Variants in ZC3H12B observed in about 807,000 individuals in gnomAD.
ZC3H12B encodes the protein probable ribonuclease ZC3H12B.
A neutral mutation model predicts 43.9 loss-of-function variants in ZC3H12B; 7 were observed. That is an observed-to-expected ratio of 0.16 (90% CI 0.09 to 0.30). The LOEUF is 0.30. ZC3H12B is among the 10% of genes least tolerant of loss of function. The pLI is 1.00. For synonymous variants in ZC3H12B, 222 were observed against 241.7 expected (o/e 0.92, Z 0.76); for missense variants, 475 against 670.2 (o/e 0.71, Z 3.22).
At chrX:65,231,220 G>C in the ZC3H12B span, among the ~76,000 whole-genome samples, 2 of 110,986 alleles carry the variant, frequency 1.8e-5, no homozygotes, top group Non-Finnish European at 3.8e-5. Flanking sequence ...TGTACGAATA[G>C]GGAGTGGGTC....
At chrX:65,168,247 G>C in the ZC3H12B span, among the ~76,000 whole-genome samples, 2 of 111,706 alleles carry the variant, frequency 1.8e-5, no homozygotes, top group Admixed American at 9.6e-5. Flanking sequence ...TAGCATGAAG[G>C]GCTGTTGAAT....
chrX:65,051,394 CTCT>C, the ZC3H12B span, among the ~76,000 whole-genome samples: 2 of 110,837 alleles, frequency 1.8e-5, no homozygotes, highest in Non-Finnish European at 1.9e-5. Flanking sequence ...TCTCAGTTTG[CTCT>C]TCTTTTTCTA....
chrX:65,253,204 G>T, the ZC3H12B span, among the ~76,000 whole-genome samples: 1 of 112,010 alleles, frequency 8.9e-6, no homozygotes, highest in African/African-American at 3.2e-5. Context: ...ATTGAGAATG[G>T]AGAGAGGGAG....
chrX:65,152,336 A>G, the ZC3H12B span, among the ~76,000 whole-genome samples: 7 of 111,408 alleles, frequency 6.3e-5, no homozygotes, highest in Non-Finnish European at 7.5e-5. Flanking sequence ...GAAAACCCCA[A>G]TGTCTCAGCC....
chrX:65,292,926 A>C, the ZC3H12B span, among the ~76,000 whole-genome samples: 14 of 112,081 alleles, frequency 1.2e-4, no homozygotes, highest in South Asian at 5.2e-3. Context: ...CAAAACTGTA[A>C]TGAGCCATGA....
chrX:65,409,647 CA>C (rs898614724), intron 3 of ZC3H12B, among the ~76,000 whole-genome samples: 2 of 105,579 alleles, frequency 1.9e-5, no homozygotes, highest in African/African-American at 3.5e-5. Context: ...AATTAACATA[CA>C]AAAAAAATCA....
At chrX:65,289,515 C>T in the ZC3H12B span, among the ~76,000 whole-genome samples, 1 of 108,477 alleles carries the variant, frequency 9.2e-6, no homozygotes, top group Admixed American at 1.0e-4. Flanking sequence ...TCAGGGAGTA[C>T]ATGTATATAT....
At chrX:65,425,305 C>T (rs1387983853) in intron 3 of ZC3H12B, among the ~76,000 whole-genome samples, 3 of 110,924 alleles carry the variant, frequency 2.7e-5, no homozygotes, top group Admixed American at 9.6e-5. Flanking sequence ...GTGATTTTTG[C>T]ACATTTATTT....
At chrX:65,136,305 G>C in the ZC3H12B span, among the ~76,000 whole-genome samples, 1 of 111,005 alleles carries the variant, frequency 9.0e-6, no homozygotes, top group African/African-American at 3.3e-5. Context: ...ATGACTCCTG[G>C]GTAGGGGTGA....
chrX:65,075,786 C>T, the ZC3H12B span, among the ~76,000 whole-genome samples: 42 of 111,956 alleles, frequency 3.8e-4, 1 homozygote, highest in South Asian at 0.014. Context: ...CCTCAGCCTT[C>T]CCCCTAAAAA....
chrX:65,385,063 A>G (rs995630438), intron 2 of ZC3H12B, among the ~76,000 whole-genome samples: 1 of 111,919 alleles, frequency 8.9e-6, no homozygotes, highest in Non-Finnish European at 1.9e-5. Context: ...CTTGTAGTAT[A>G]GTTTGAAGTC....
the ZC3H12B span, among the ~76,000 whole-genome samples, chrX:65,167,224 G>T: frequency 5.4e-5 from 6 of 111,693 alleles, no homozygotes; most frequent in Non-Finnish European, 7.5e-5. Context: ...TTTGTATAAG[G>T]TGTAAGGAAG....
At chrX:65,218,571 T>C in the ZC3H12B span, among the ~76,000 whole-genome samples, 3 of 110,349 alleles carry the variant, frequency 2.7e-5, no homozygotes, top group African/African-American at 9.9e-5. Context: ...CTAGGGACCT[T>C]TGTGACACAG....
chrX:65,377,011 A>C (rs1293048507), intron 2 of ZC3H12B, among the ~76,000 whole-genome samples: 2 of 110,911 alleles, frequency 1.8e-5, no homozygotes, highest in African/African-American at 6.6e-5. Context: ...GAGAAATTCA[A>C]GATATCACAG....
At chrX:65,315,912 C>G in the ZC3H12B span, among the ~76,000 whole-genome samples, 1 of 111,514 alleles carries the variant, frequency 9.0e-6, no homozygotes, top group African/African-American at 3.3e-5. Context: ...ATCCAATGAA[C>G]TTAAGGAGTA....
At chrX:65,320,687 T>TA in the ZC3H12B span, among the ~76,000 whole-genome samples, 3 of 111,780 alleles carry the variant, frequency 2.7e-5, no homozygotes, top group South Asian at 3.7e-4. Flanking sequence ...ATAGTACTGG[T>TA]AAAAAAGCAC....
chrX:65,432,800 A>G (rs1299745470), intron 3 of ZC3H12B, among the ~76,000 whole-genome samples: 2 of 112,033 alleles, frequency 1.8e-5, no homozygotes, highest in South Asian at 3.7e-4. Flanking sequence ...GGACAAATTC[A>G]TTTACCACCC....
chrX:65,133,914 C>T, the ZC3H12B span, among the ~76,000 whole-genome samples: 1 of 110,820 alleles, frequency 9.0e-6, no homozygotes, highest in Non-Finnish European at 1.9e-5. Context: ...ACCTCAGACC[C>T]ATTTGCCCAT....
chrX:65,320,930 A>C, the ZC3H12B span, among the ~76,000 whole-genome samples: 1 of 112,499 alleles, frequency 8.9e-6, no homozygotes, highest in Non-Finnish European at 1.9e-5. Flanking sequence ...TGTAAAACCA[A>C]AAACTATGAA....
Sources: gnomAD v4.1 joint callset for allele counts (sites outside exome capture counted in the v4.1 genomes callset) on GRCh38, gnomAD v4.1.1 for gene constraint, MANE v1.5 for transcripts, NCBI Gene and HGNC (gene_info 2026-07-23, HGNC 2026-07-21) for gene names.